Variants in USH2A observed in about 807,000 individuals in gnomAD.
The protein encoded by USH2A is Usher syndrome 2A (autosomal recessive, mild).
Under a neutral mutation model 538.9 loss-of-function variants are expected in USH2A, and 443 were observed. That is an observed-to-expected ratio of 0.82 (90% confidence interval 0.76 to 0.89). The LOEUF (loss-of-function observed/expected upper bound fraction) is 0.89, where lower values mean the gene tolerates loss of function less well. Among genes scored for constraint, USH2A ranks in the 40% least tolerant of loss-of-function variants. The pLI is 0.00. For missense variants in USH2A, 6,633 were observed against 6,324.8 expected (o/e 1.05, Z -1.65); for synonymous variants, 2,413 against 2,273.5 (o/e 1.06, Z -1.75).
At chr1:216,231,398 G>GA (rs1480115301) in intron 14 of USH2A, among the ~76,000 whole-genome samples, 3 of 148,032 alleles carry the variant, frequency 2.0e-5, no homozygotes, top group African/African-American at 7.5e-5. Context: ...CTTTTTGAGA[G>GA]AAAATATATT....
chr1:215,848,990 C>T (rs949119704), intron 44 of USH2A, among the ~76,000 whole-genome samples: 1 of 152,084 alleles, frequency 6.6e-6, no homozygotes, highest in Admixed American at 6.6e-5. Context: ...AGGCTGATGA[C>T]CTTGATTTTA....
intron 71 of USH2A, among the ~76,000 whole-genome samples, chr1:215,627,634 T>G (rs1458360422): frequency 6.6e-6 from 1 of 152,048 alleles, no homozygotes; most frequent in Non-Finnish European, 1.5e-5. Context: ...CAAGCAATTC[T>G]CCTGCCTCAG....
chr1:216,404,197 A>G (rs147409888), intron 3 of USH2A, among the ~76,000 whole-genome samples: 21 of 152,316 alleles, frequency 1.4e-4, no homozygotes, highest in Middle Eastern at 3.4e-3. Flanking sequence ...AGAGGACTCA[A>G]TATAGTAAAA....
chr1:216,387,922 G>A (rs1007466440), intron 3 of USH2A, among the ~76,000 whole-genome samples: 3 of 152,050 alleles, frequency 2.0e-5, no homozygotes, highest in Non-Finnish European at 4.4e-5. Flanking sequence ...CAAATATCTA[G>A]TTGAATAGCG....
intron 21 of USH2A, among the ~76,000 whole-genome samples, chr1:216,154,021 C>T (rs2033891159): frequency 1.3e-5 from 2 of 152,094 alleles, no homozygotes; most frequent in African/African-American, 2.4e-5. Context: ...AGCATATTAA[C>T]ACGGATTATA....
In USH2A at chr1:216,421,908, C is replaced by CT; in HGVS notation, c.428dup (p.Leu144AlafsTer14). ...CAGCTAAGGTAAATGATGCCATCAGCTTTGGAGAAGGAGGAGAAGAAAAGC... is the reference window on the plus strand; with the variant it reads ...CAGCTAAGGTAAATGATGCCATCAGCTTTTGGAGAAGGAGGAGAAGAAAAGC... On this transcript the variant is annotated frameshift_variant, in exon 2 of 72. Transcript: ENST00000307340. LOFTEE classifies it high-confidence loss of function. The CT allele has an allele frequency of 6.2e-7, 1 of 1,613,902 alleles. No individual in the cohort carries two copies. The highest frequency in any genetic ancestry group is 8.5e-7 in the Non-Finnish European group (1 of 1,179,910).
intron 35 of USH2A, among the ~76,000 whole-genome samples, chr1:215,987,897 T>G (rs678697): frequency 0.16 from 23,925 of 152,186 alleles, 2,162 homozygotes; most frequent in Non-Finnish European, 0.21. Flanking sequence ...GTTTAAAAAA[T>G]GCATACTTCA....
intron 21 of USH2A, among the ~76,000 whole-genome samples, chr1:216,115,277 G>A (rs1218266163): frequency 6.6e-6 from 1 of 152,050 alleles, no homozygotes; most frequent in African/African-American, 2.4e-5. Flanking sequence ...GAGTAGCTGG[G>A]ACTACAAGCA....
At position 215,643,426 on chromosome 1, in the gene USH2A, C is replaced by T. The variant is rs116613115; in HGVS notation, c.14792-2692G>A. 1.7e-3 allele frequency among the ~76,000 whole-genome samples: 253 copies of T among 152,206 alleles called. 1 individual carries two copies. Among genetic ancestry groups the T allele is most frequent in the Non-Finnish European group, 2.9e-3 (195 of 68,002 alleles). ...AGTCATTTCTTGTATTTTTCCGTAA[C>T]TATTGACCCAGTAGTGGATTAAGGG... On this transcript the variant is annotated intron_variant, in intron 67 of 71. Transcript: ENST00000307340.
chr1:216,013,506 G>C (rs1471500707), intron 32 of USH2A, among the ~76,000 whole-genome samples: 1 of 152,040 alleles, frequency 6.6e-6, no homozygotes, highest in Admixed American at 6.5e-5. Flanking sequence ...CCTGTGACCT[G>C]CACGTACACA....
At chr1:215,670,876 CTTT>C (rs1241550093) in intron 64 of USH2A, 93 bp downstream of exon 64, 1 of 1,282,528 alleles carries the variant, frequency 7.8e-7, no homozygotes, top group Non-Finnish European at 1.1e-6. Context: ...TCCTACATTT[CTTT>C]AAGTGCCTTT....
At chr1:215,975,551 G>A (rs1331501598) in intron 35 of USH2A, among the ~76,000 whole-genome samples, 2 of 152,144 alleles carry the variant, frequency 1.3e-5, no homozygotes, top group Non-Finnish European at 2.9e-5. Context: ...AGCTACCCCA[G>A]CACCATTTTT....
At chr1:216,023,459 C>CAAAAA in intron 32 of USH2A, among the ~76,000 whole-genome samples, 941 of 46,738 alleles carry the variant, frequency 0.02, 69 homozygotes, top group African/African-American at 0.076. Context: ...TCAAAGCAGA[C>CAAAAA]AAAAAAAAAA....
intron 55 of USH2A, among the ~76,000 whole-genome samples, chr1:215,774,154 C>T (rs756683220): frequency 1.4e-4 from 22 of 152,176 alleles, no homozygotes; most frequent in African/African-American, 5.1e-4. Context: ...ATCAAAACAT[C>T]AAAACAAAGG....
chr1:216,113,631 C>T (rs991354489), intron 21 of USH2A, among the ~76,000 whole-genome samples: 7 of 151,974 alleles, frequency 4.6e-5, no homozygotes, highest in South Asian at 2.1e-4. Flanking sequence ...GATCTGTAAG[C>T]GTTTTTTCCA....
chr1:216,231,750 G>A (rs2035699015), intron 14 of USH2A, among the ~76,000 whole-genome samples: 3 of 152,074 alleles, frequency 2.0e-5, no homozygotes, highest in East Asian at 1.9e-4. Flanking sequence ...GTTTCACCGT[G>A]TTGGCCAGGA....
chr1:215,969,020 A>G (rs1293317683), intron 36 of USH2A, among the ~76,000 whole-genome samples: 1 of 152,192 alleles, frequency 6.6e-6, no homozygotes, highest in African/African-American at 2.4e-5. Context: ...TGTGCTAGCC[A>G]TCCAGGGCTA....
intron 37 of USH2A, 130 bp downstream of exon 37, chr1:215,965,187 G>T: frequency 1.9e-6 from 2 of 1,062,388 alleles, no homozygotes; most frequent in Non-Finnish European, 2.7e-6. Context: ...ATCCGTATAG[G>T]TTATTTTCAG....
chr1:215,850,009 C>A (rs1354016908), intron 44 of USH2A, among the ~76,000 whole-genome samples: 1 of 151,888 alleles, frequency 6.6e-6, no homozygotes, highest in Non-Finnish European at 1.5e-5. Context: ...CATGATAAAA[C>A]TATCCAATAA....
Sources: allele counts gnomAD v4.1 joint callset (sites outside exome capture counted in the v4.1 genomes callset), GRCh38; gene constraint gnomAD v4.1.1; transcripts MANE v1.5; gene names NCBI Gene and HGNC (gene_info 2026-07-23, HGNC 2026-07-21).